Variants in FAM50A observed in about 807,000 individuals in gnomAD.
FAM50A encodes protein FAM50A.
In FAM50A, 6 loss-of-function variants were observed where a neutral mutation model predicts 35.5. The ratio of observed to expected loss-of-function variants is 0.17; its 90% CI spans 0.09 to 0.33. The LOEUF (loss-of-function observed/expected upper bound fraction) is 0.33, where lower values mean the gene tolerates loss of function less well. FAM50A is among the 10% of genes least tolerant of loss of function. The pLI is 1.00. For missense variants in FAM50A, 145 were observed against 295.5 expected, an observed-to-expected ratio of 0.49 and a Z score of 3.73; for synonymous variants, 120 against 110.9, an observed-to-expected ratio of 1.08 and a Z score of -0.52.
At position 154,449,630 on chromosome X, in the gene FAM50A, T is replaced by A. The variant is rs782172148; in HGVS notation, c.726-51T>A. 1.7e-4 allele frequency: 189 copies of A among 1,110,864 alleles called. 1 individual carries two copies. The South Asian group carries it at 3.5e-3, about 21-fold the overall frequency. The allele number at this position is 1,110,864 out of a possible 1,213,427, so 91.5% of individuals were successfully genotyped here. Reference sequence around the variant, plus strand: ...CTGGGCTGGCTGTCTCCTCCCTCCCTGGGCAGGGGTGCTGTCCTCTTGCCC... The same window carrying A: ...CTGGGCTGGCTGTCTCCTCCCTCCCAGGGCAGGGGTGCTGTCCTCTTGCCC... On this transcript the variant is annotated intron_variant, in intron 8 of 12. Coordinates refer to ENST00000393600, the MANE Select transcript of FAM50A (RefSeq NM_004699.4).
intron 1 of FAM50A, 38 bp downstream of exon 1, chrX:154,444,384 A>T (rs1380572160): frequency 1.3e-6 from 1 of 783,162 alleles, no homozygotes; most frequent in African/African-American, 5.9e-5. Context: ...CGCGCTGCCC[A>T]GGTCCCCGGC....
In FAM50A at chrX:154,450,413, C is replaced by CCT; in HGVS notation, c.1012-9_1012-8dup. 8.3e-7 allele frequency: 1 copy of CCT among 1,211,350 alleles called. No homozygotes were observed. Among genetic ancestry groups the CCT allele is most frequent in the Non-Finnish European group, 1.1e-6 (1 of 895,164 alleles). ...TCCTTGTCTCCTCTGCCCACCTTGT[C>CCT]CTCACACTAGATCCGCTGAGCATCC... On this transcript the variant is annotated splice_polypyrimidine_tract_variant and intron_variant, in intron 12 of 12. Coordinates refer to ENST00000393600, the MANE Select transcript of FAM50A (RefSeq NM_004699.4).
At position 154,449,266 on chromosome X, in the gene FAM50A, G is replaced by A. The variant is rs2068794719; in HGVS notation, c.694G>A (p.Glu232Lys). The A allele has an allele frequency of 8.3e-7, 1 of 1,210,687 alleles. No homozygotes were observed. Among genetic ancestry groups the A allele is most frequent in the Non-Finnish European group, 1.1e-6 (1 of 894,013 alleles). The change falls in exon 8 of 13, where the codon GAG (glutamate) becomes AAG (lysine). Residue 232 changes from glutamate to lysine, a missense_variant. Glu to Lys is a moderately conservative substitution (Grantham distance 56, BLOSUM62 1). This residue lies in a region of FAM50A where 59 missense variants were observed against 164.5 expected (regional missense o/e 0.36). Coordinates refer to ENST00000393600, the MANE Select transcript of FAM50A (RefSeq NM_004699.4). ...GCAGCAGTTCCTGCAGAAGGCGCTC[G>A]AGATCCTTCGGAAAGACTTCAGTGA... Reference protein sequence around the residue: ...TMQQFLQKALEILRKDFSELR... With the variant: ...TMQQFLQKALKILRKDFSELR...
rs1056202815 is a variant in FAM50A, at chrX:154,450,495, G to A, written c.*63G>A. The stretch of plus-strand genomic sequence containing the variant: ...CCTCAGTGTGCCCCGTGGTGTCACC[G>A]GGACTCCAGGCACCCGCTCCCCTGC... On this transcript the variant is annotated 3_prime_UTR_variant, in exon 13 of 13. Coordinates refer to ENST00000393600, the MANE Select transcript of FAM50A (RefSeq NM_004699.4). 2.4e-5 allele frequency: 27 copies of A among 1,134,181 alleles called. No homozygotes were observed. Among genetic ancestry groups the A allele is most frequent in the East Asian group, 3.0e-5 (1 of 32,924 alleles). The allele number at this position is 1,134,181 out of a possible 1,213,427, so 93.5% of individuals were successfully genotyped here.
chrX:154,445,073 G>T (rs2068776937), intron 1 of FAM50A, among the ~76,000 whole-genome samples: 1 of 111,265 alleles, frequency 9.0e-6, no homozygotes, highest in Non-Finnish European at 1.9e-5. Context: ...AAGTCCTCAT[G>T]CCCTGGCCGC....
intron 4 of FAM50A, among the ~76,000 whole-genome samples, chrX:154,447,213 A>C (rs1557199923): frequency 8.9e-6 from 1 of 112,521 alleles, no homozygotes. Flanking sequence ...GCGACGAGAA[A>C]GTACATGCCA....
chrX:154,448,447 T>C, intron 4 of FAM50A, 37 bp from the exon 5 acceptor site: 1 of 1,140,864 alleles, frequency 8.8e-7, no homozygotes, highest in South Asian at 1.8e-5. Context: ...ATCATTTTTA[T>C]AATAATGCTA....
At position 154,444,188 on chromosome X, in the gene FAM50A, TCGCCGCCGCCGCCGCC is replaced by T. The variant is rs781836099; in HGVS notation, c.-31_-16del. The T allele has an allele frequency of 6.2e-4, 315 of 507,852 alleles. 2 individuals are homozygous for T. The highest frequency in any genetic ancestry group is 1.1e-3 in the East Asian group (8 of 6,971). The allele number at this position is 507,852 out of a possible 1,213,427, so 41.9% of individuals were successfully genotyped here. ...GCCGCTGCCGCTGCCGCTGTCGCTGTCGCCGCCGCCGCCGCCCGCCGCCGCCGCCGCCGCCGCCGCC... is the reference window on the plus strand; with the variant it reads ...GCCGCTGCCGCTGCCGCTGTCGCTGTCGCCGCCGCCGCCGCCGCCGCCGCC... On this transcript the variant is annotated 5_prime_UTR_variant, in exon 1 of 13. Transcript: ENST00000393600.
Position 154,449,170 on chromosome X carries a change from C to T in FAM50A, c.649-51C>T. On this transcript the variant is annotated intron_variant, in intron 7 of 12. Transcript: ENST00000393600. Reference sequence around the variant, plus strand: ...CTGGGCCTCTGCCTTGTTGAGAGCCCTTCTGCAGGCTTCCGCCTTCCCTTC... The same window carrying T: ...CTGGGCCTCTGCCTTGTTGAGAGCCTTTCTGCAGGCTTCCGCCTTCCCTTC... 4 of 1,088,815 alleles carry T rather than the reference C, an allele frequency of 3.7e-6. No homozygotes were observed. The South Asian group carries it at 5.5e-5, about 15-fold the overall frequency. The allele number at this position is 1,088,815 out of a possible 1,213,427, so 89.7% of individuals were successfully genotyped here.
chrX:154,448,374 T>C lies in FAM50A; in HGVS notation c.443-110T>C. ...TGAGCCTCTGTGCCCGCCCTAGGCTTGTCTTCTAGATCGACTGTTCTCAAG... is the reference window on the plus strand; with the variant it reads ...TGAGCCTCTGTGCCCGCCCTAGGCTCGTCTTCTAGATCGACTGTTCTCAAG... On this transcript the variant is annotated intron_variant, in intron 4 of 12. Coordinates refer to ENST00000393600, the MANE Select transcript of FAM50A (RefSeq NM_004699.4). 4.6e-6 allele frequency: 3 copies of C among 647,755 alleles called. No individual in the cohort carries two copies. The Admixed American group carries it at 7.9e-5, about 17-fold the overall frequency. The allele number at this position is 647,755 out of a possible 1,213,427, so 53.4% of individuals were successfully genotyped here.
intron 8 of FAM50A, 32 bp downstream of exon 8, chrX:154,449,329 GTGTGGCACC>G (rs1557200225): frequency 8.9e-7 from 1 of 1,123,786 alleles, no homozygotes; most frequent in Non-Finnish European, 1.2e-6. Context: ...ACGGTGGTGT[GTGTGGCACC>G]TGTGGCTCCA....
At chrX:154,446,014 T>C (rs1475097987) in intron 3 of FAM50A, 103 bp downstream of exon 3, 2 of 583,077 alleles carry the variant, frequency 3.4e-6, no homozygotes, top group South Asian at 2.6e-5. Flanking sequence ...GTCTCCAGCT[T>C]TGGGACAGGG....
At chrX:154,447,261 G>T (rs1557199932) in intron 4 of FAM50A, among the ~76,000 whole-genome samples, 3 of 112,276 alleles carry the variant, frequency 2.7e-5, no homozygotes. Flanking sequence ...AACGTTTGAA[G>T]ATTGGGAGCA....
chrX:154,446,995 C>T (rs1263034416), intron 4 of FAM50A, among the ~76,000 whole-genome samples: 2 of 112,275 alleles, frequency 1.8e-5, no homozygotes, highest in African/African-American at 6.5e-5. Flanking sequence ...CCACGTGTGC[C>T]ACACACCTGT....
Position 154,450,281 on chromosome X carries a change from G to T in FAM50A, c.973G>T (p.Glu325Ter). ...GCACATCTTTCCCGCCAGCCGCTGG[G>T]AACCCTACGACCCTGAAAAGAAGTG... ...NKHIFPASRW[E>*]PYDPEKKWDK... The change falls in exon 12 of 13, where the codon GAA (glutamate) becomes TAA (stop). Residue 325 changes from glutamate to a stop codon, truncating the protein, a stop_gained. Coordinates refer to ENST00000393600, the MANE Select transcript of FAM50A (RefSeq NM_004699.4). LOFTEE classifies it high-confidence loss of function. 8.3e-7 allele frequency: 1 copy of T among 1,211,320 alleles called. No individual in the cohort carries two copies. Among genetic ancestry groups the T allele is most frequent in the Non-Finnish European group, 1.1e-6 (1 of 895,140 alleles).
chrX:154,446,064 T>G (rs116166090), intron 3 of FAM50A, among the ~76,000 whole-genome samples, 153 bp downstream of exon 3: 8,489 of 112,065 alleles, frequency 0.076, 789 homozygotes, highest in African/African-American at 0.26. Flanking sequence ...CTCTCCCGCC[T>G]CCTCGGGTCC....
At chrX:154,449,103 G>A (rs1466112754) in intron 7 of FAM50A, 118 bp from the exon 8 acceptor site, 1 of 875,740 alleles carries the variant, frequency 1.1e-6, no homozygotes, top group Non-Finnish European at 1.6e-6. Flanking sequence ...GGGGAGTGAG[G>A]CCCAGGCCTG....
chrX:154,449,629 C>T (rs927935744), intron 8 of FAM50A, 52 bp from the exon 9 acceptor site: 2 of 1,109,613 alleles, frequency 1.8e-6, no homozygotes, highest in Admixed American at 2.2e-5. Flanking sequence ...TCCTCCCTCC[C>T]TGGGCAGGGG....
chrX:154,445,758 A>C, intron 2 of FAM50A, 41 bp downstream of exon 2: 6 of 1,189,110 alleles, frequency 5.0e-6, no homozygotes, highest in Non-Finnish European at 6.9e-6. Flanking sequence ...GCCCCGGGCC[A>C]CTCTTCCGCT....
Sources: gnomAD v4.1 joint callset for allele counts (sites outside exome capture counted in the v4.1 genomes callset) on GRCh38, gnomAD v4.1.1 for gene constraint, gnomAD v4.1.1 regional missense constraint, MANE v1.5 for transcripts, NCBI Gene and HGNC (gene_info 2026-07-23, HGNC 2026-07-21) for gene names.